CALD1: variants seen among roughly 807,000 people sequenced by gnomAD.
The protein encoded by CALD1 is caldesmon 1.
In CALD1, 33 loss-of-function variants were observed where a neutral mutation model predicts 99.9. That is an observed-to-expected ratio of 0.33 (90% confidence interval 0.25 to 0.44). CALD1 has a LOEUF of 0.44. Among genes scored for constraint, CALD1 ranks in the 20% least tolerant of loss-of-function variants. The probability of loss-of-function intolerance (pLI) is 1.00; values close to 1 mark genes in which losing one functional copy is unlikely to be tolerated. For missense variants in CALD1, 861 were observed against 962.1 expected, an observed-to-expected ratio of 0.89 and a Z score of 1.39; for synonymous variants, 310 against 325.0, an observed-to-expected ratio of 0.95 and a Z score of 0.50.
At chr7:134,788,288 G>A (rs773814716) in intron 1 of CALD1, among the ~76,000 whole-genome samples, 1 of 152,292 alleles carries the variant, frequency 6.6e-6, no homozygotes, top group Middle Eastern at 3.4e-3. Flanking sequence ...ATAAAATGCT[G>A]TGCAACTGAG....
At chr7:134,894,101 A>G (rs1802394567) in intron 3 of CALD1, among the ~76,000 whole-genome samples, 1 of 152,176 alleles carries the variant, frequency 6.6e-6, no homozygotes, top group Non-Finnish European at 1.5e-5. Context: ...TTGCATTGCC[A>G]TGGTGAAGTT....
chr7:134,780,468 A>G (rs1797062143), intron 1 of CALD1, among the ~76,000 whole-genome samples: 1 of 152,264 alleles, frequency 6.6e-6, no homozygotes, highest in East Asian at 1.9e-4. Context: ...GTCCTACCAA[A>G]CTATTTTTTA....
Position 134,801,777 on chromosome 7 carries a change from C to T in CALD1, c.-130+22028C>T, listed in dbSNP as rs191936895. Among the ~76,000 whole-genome samples, 914 of 135,014 alleles carry T rather than the reference C, an allele frequency of 6.8e-3. 14 individuals carry two copies. The highest frequency in any genetic ancestry group is 0.025 in the African/African-American group (861 of 34,992). The allele number at this position is 135,014 out of a possible 152,430, so 88.6% of individuals were successfully genotyped here. A position where few individuals can be genotyped will look rare whatever the true frequency, so the allele number is the denominator to read the frequency against. On this transcript the variant is annotated intron_variant, in intron 1 of 14. Transcript: ENST00000361675. The stretch of plus-strand genomic sequence containing the variant: ...GGGACTACAGGCACTCACCACTACG[C>T]CTGCTAAATTCGTGTATTTTTTTAA...
the CALD1 span, among the ~76,000 whole-genome samples, chr7:134,713,144 T>C: frequency 1.3e-5 from 2 of 152,222 alleles, no homozygotes; most frequent in Non-Finnish European, 2.9e-5. Context: ...ATAAGTGACA[T>C]TGGTGTTCAT....
intron 3 of CALD1, among the ~76,000 whole-genome samples, chr7:134,905,922 CTTTTTTT>C (rs5887716): frequency 1.4e-4 from 13 of 94,776 alleles, no homozygotes; most frequent in Admixed American, 1.2e-4. Context: ...CTCTCTATAT[CTTTTTTT>C]TTTTTTTTTT....
intron 11 of CALD1, among the ~76,000 whole-genome samples, chr7:134,958,630 T>A (rs1283457630): frequency 2.6e-4 from 40 of 151,624 alleles, no homozygotes; most frequent in Admixed American, 2.6e-3. Flanking sequence ...GGTCTCGAAT[T>A]CCTGACCTCA....
chr7:134,859,950 CTGTTTGCTAG>C (rs1800489648), intron 2 of CALD1, among the ~76,000 whole-genome samples: 1 of 151,906 alleles, frequency 6.6e-6, no homozygotes, highest in Non-Finnish European at 1.5e-5. Flanking sequence ...GCCAGGTCTT[CTGTTTGCTAG>C]TGGAGAAGTA....
At chr7:134,889,150 T>G (rs1397317746) in intron 3 of CALD1, among the ~76,000 whole-genome samples, 3 of 152,234 alleles carry the variant, frequency 2.0e-5, no homozygotes, top group Non-Finnish European at 4.4e-5. Context: ...ACGACACAAC[T>G]TATTCTGTAC....
chr7:134,779,080 A>G (rs371059071), upstream of CALD1, among the ~76,000 whole-genome samples: 3 of 152,188 alleles, frequency 2.0e-5, no homozygotes, highest in Admixed American at 6.5e-5. Flanking sequence ...CAGGTTTTAG[A>G]ATTGCATAAC....
At chr7:134,762,637 C>A (rs2131599764) in intron 1 of CALD1, among the ~76,000 whole-genome samples, 1 of 152,268 alleles carries the variant, frequency 6.6e-6, no homozygotes, top group African/African-American at 2.4e-5. Context: ...AAAGGGGAAG[C>A]AACCCCATCT....
At chr7:134,931,481 A>C (rs914285976) in intron 4 of CALD1, among the ~76,000 whole-genome samples, 1 of 152,250 alleles carries the variant, frequency 6.6e-6, no homozygotes, top group African/African-American at 2.4e-5. Context: ...AGGCCAAGAA[A>C]GTTTTAAAGC....
In CALD1 at chr7:134,959,999, A is replaced by AGCCG; in HGVS notation, c.2090_2093dup (p.Ala699GlyfsTer10). 1 of 1,614,070 alleles carries AGCCG rather than the reference A, an allele frequency of 6.2e-7. No individual in the cohort carries two copies. The highest frequency in any genetic ancestry group is 8.5e-7 in the Non-Finnish European group (1 of 1,180,004). ...GGAACAAAAAGCGCAAAACCTACAAAGCCGGCAGCCTCGGATCTTCCTGTT... is the reference window on the plus strand; with the variant it reads ...GGAACAAAAAGCGCAAAACCTACAAAGCCGGCCGGCAGCCTCGGATCTTCCTGTT... On this transcript the variant is annotated frameshift_variant, in exon 12 of 15. Coordinates refer to ENST00000361675, the MANE Select transcript of CALD1 (RefSeq NM_033138.4). LOFTEE classifies it high-confidence loss of function.
At chr7:134,950,347 C>A (rs1483385872) in intron 8 of CALD1, 27 bp from the exon 9 acceptor site, 1 of 1,612,386 alleles carries the variant, frequency 6.2e-7, no homozygotes. Flanking sequence ...GGTACTGATG[C>A]CTCGTTATTT....
intron 7 of CALD1, among the ~76,000 whole-genome samples, chr7:134,944,006 T>C (rs377725341): frequency 2.2e-4 from 34 of 152,318 alleles, no homozygotes; most frequent in Admixed American, 7.8e-4. Context: ...GTGGAATCCA[T>C]AGATGTTTCT....
intron 1 of CALD1, among the ~76,000 whole-genome samples, chr7:134,788,218 C>A (rs1383617160): frequency 2.0e-5 from 3 of 152,216 alleles, no homozygotes; most frequent in Non-Finnish European, 2.9e-5. Flanking sequence ...CTATGTTTCA[C>A]TATTATCTAT....
At chr7:134,928,160 G>T (rs926781132) in intron 3 of CALD1, 7 of 240,712 alleles carry the variant, frequency 2.9e-5, no homozygotes, top group Non-Finnish European at 6.3e-5. Flanking sequence ...GGCCAGGCCC[G>T]GTGGCTCACG....
chr7:134,789,048 A>AAAAT (rs1283313624), intron 1 of CALD1, among the ~76,000 whole-genome samples: 2 of 151,218 alleles, frequency 1.3e-5, no homozygotes, highest in African/African-American at 4.9e-5. Flanking sequence ...AAAAAAAAAA[A>AAAAT]AAAGTCTACA....
chr7:134,717,408 A>G, the CALD1 span, among the ~76,000 whole-genome samples: 2 of 152,354 alleles, frequency 1.3e-5, no homozygotes, highest in Admixed American at 6.5e-5. Context: ...CTTGCTTACA[A>G]TGGCCAAGAA....
upstream of CALD1, among the ~76,000 whole-genome samples, chr7:134,778,601 A>G (rs1379103960): frequency 6.6e-6 from 1 of 152,190 alleles, no homozygotes; most frequent in East Asian, 1.9e-4. Flanking sequence ...GGACAAGACT[A>G]TGTGTGGGCC....
Sources: allele counts gnomAD v4.1 joint callset (sites outside exome capture counted in the v4.1 genomes callset), GRCh38; gene constraint gnomAD v4.1.1; transcripts MANE v1.5; gene names NCBI Gene and HGNC (gene_info 2026-07-23, HGNC 2026-07-21).